The following FANCA variants were observed in gnomAD, a reference collection of about 807,000 sequenced individuals.
FANCA encodes the protein FA complementation group A.
FANCA carries 236 observed loss-of-function variants against 194.3 expected under a neutral mutation model. That is an observed-to-expected ratio of 1.21 (90% CI 1.09 to 1.35). FANCA has a LOEUF of 1.35. FANCA is among the 40% of genes most tolerant of loss of function. The pLI is 0.00. For synonymous variants in FANCA, 1,014 were observed against 715.8 expected (o/e 1.42, Z -6.65); for missense variants, 2,628 against 1,813.9 (o/e 1.45, Z -8.15).
intron 8 of FANCA, among the ~76,000 whole-genome samples, chr16:89,802,465 G>A (rs189304441): frequency 4.3e-4 from 65 of 151,272 alleles, no homozygotes; most frequent in African/African-American, 1.5e-3. Context: ...ACAGTGACAC[G>A]ATCTGGGCTC....
At chr16:89,743,028 TG>T (rs1468190661) in intron 36 of FANCA, 90 bp from the exon 37 acceptor site, 13 of 1,473,582 alleles carry the variant, frequency 8.8e-6, no homozygotes, top group African/African-American at 2.8e-5. Context: ...CTGTCACCTT[TG>T]GGGCCTGCCT....
intron 2 of FANCA, among the ~76,000 whole-genome samples, chr16:89,815,167 G>A (rs1471692184): frequency 2.0e-5 from 3 of 151,798 alleles, no homozygotes; most frequent in Admixed American, 1.3e-4. Flanking sequence ...CTCCTGAGCA[G>A]CTGGGATTAC....
chr16:89,780,369 C>T (rs542835911), intron 17 of FANCA, among the ~76,000 whole-genome samples: 14 of 152,114 alleles, frequency 9.2e-5, no homozygotes, highest in South Asian at 2.1e-4. Flanking sequence ...TGTCTATAAA[C>T]GCAGTGCTTT....
rs772712346 is a variant in FANCA at position 89,816,596 on chromosome 16, G to C, written c.20C>G (p.Pro7Arg). The stretch of plus-strand genomic sequence containing the variant: ...TGGGTCCTGGCCCGAGGCGGAGTTC[G>C]GGACCCACGAGTCGGACATGGCCTT... The part of the protein sequence containing the change: MSDSWV[P>R]NSASGQDPGG... Residue 7 changes from proline to arginine, a missense_variant, in exon 1 of 43, where the codon CCG (proline) becomes CGG (arginine). Transcript: ENST00000389301. 9.8e-6 allele frequency: 15 copies of C among 1,526,802 alleles called. No homozygotes were observed. The highest frequency in any genetic ancestry group is 1.2e-5 in the Non-Finnish European group (14 of 1,145,182). The allele number at this position is 1,526,802 out of a possible 1,614,324, so 94.6% of individuals were successfully genotyped here. A position where few individuals can be genotyped will look rare whatever the true frequency, so the allele number is the denominator to read the frequency against.
chr16:89,808,912 T>G (rs1307469464), intron 5 of FANCA, among the ~76,000 whole-genome samples: 2 of 148,708 alleles, frequency 1.3e-5, no homozygotes, highest in South Asian at 2.1e-4. Context: ...CACACTCTAT[T>G]TTTTTTTTTT....
intron 36 of FANCA, 86 bp downstream of exon 36, chr16:89,744,873 G>A (rs17227229): frequency 7.1e-6 from 9 of 1,268,452 alleles, no homozygotes; most frequent in Admixed American, 1.9e-5. Flanking sequence ...CTTCTCTCAA[G>A]CAAGCCAGGG....
chr16:89,799,505 C>G, intron 9 of FANCA, 100 bp downstream of exon 9: 1 of 1,225,762 alleles, frequency 8.2e-7, no homozygotes, highest in Admixed American at 1.7e-5. Flanking sequence ...GTGAAACATA[C>G]AGAGGAGAAA....
At chr16:89,781,502 T>C (rs1342840508) in intron 17 of FANCA, among the ~76,000 whole-genome samples, 48 of 142,628 alleles carry the variant, frequency 3.4e-4, no homozygotes, top group Admixed American at 2.8e-3. Flanking sequence ...TGAAACCCCA[T>C]CTCTACTAAA....
chr16:89,772,464 C>T (rs1307904852), intron 22 of FANCA, among the ~76,000 whole-genome samples: 2 of 152,192 alleles, frequency 1.3e-5, no homozygotes, highest in African/African-American at 2.4e-5. Context: ...TGAGATCACG[C>T]CACTGCACTC....
intron 14 of FANCA, among the ~76,000 whole-genome samples, chr16:89,786,234 A>C (rs2039893973): frequency 1.3e-5 from 2 of 151,602 alleles, no homozygotes; most frequent in African/African-American, 4.8e-5. Flanking sequence ...CCCAGGCTGG[A>C]GCGCAGTGGC....
chr16:89,792,796 G>A, intron 11 of FANCA: 4 of 437,624 alleles, frequency 9.1e-6, no homozygotes, highest in Admixed American at 6.4e-5. Flanking sequence ...TGGATACAAA[G>A]CAAAAGGGGC....
At chr16:89,810,465 T>C (rs1389433817) in intron 5 of FANCA, 6 of 500,638 alleles carry the variant, frequency 1.2e-5, no homozygotes, top group Non-Finnish European at 1.8e-5. Flanking sequence ...TAAACGTGTT[T>C]TTCAATATAT....
Position 89,748,691 on chromosome 16 carries a change from C to G in FANCA, c.3316G>C (p.Glu1106Gln). ...GAGTTGACCAAGTGGAAGAACTGCT[C>G]GCATCTGGCAGTGATGGGCTGTTCT... ...QAEQPITARC[E>Q]QFFHLVNSEM... Residue 1106 changes from glutamate (E) to glutamine (Q), a missense_variant, in exon 33 of 43, where the codon GAG becomes CAG. By Grantham distance (29) the Glu-to-Gln change is conservative. Coordinates refer to ENST00000389301, the MANE Select transcript of FANCA (RefSeq NM_000135.4). The G allele has an allele frequency of 1.2e-6, 2 of 1,614,106 alleles. No homozygotes were observed. The highest frequency in any genetic ancestry group is 1.7e-6 in the Non-Finnish European group (2 of 1,180,002).
intron 3 of FANCA, among the ~76,000 whole-genome samples, chr16:89,813,806 CTGTGTGTG>C (rs71137678): frequency 8.0e-5 from 12 of 149,546 alleles, no homozygotes; most frequent in South Asian, 6.4e-4. Context: ...AAGTCTTTTA[CTGTGTGTG>C]TGTGTGTGTG....
chr16:89,783,997 G>C (rs1036916090), intron 15 of FANCA, among the ~76,000 whole-genome samples: 3 of 151,996 alleles, frequency 2.0e-5, no homozygotes, highest in Admixed American at 2.0e-4. Flanking sequence ...CTGACCTCAA[G>C]TGATCTGCCC....
At position 89,740,106 on chromosome 16, in the gene FANCA, A is replaced by G. The variant is rs2062090818; in HGVS notation, c.3829-7T>C. 1 of 1,612,754 alleles carries G rather than the reference A, an allele frequency of 6.2e-7. No homozygotes were observed. Among genetic ancestry groups the G allele is most frequent in the Non-Finnish European group, 8.5e-7 (1 of 1,179,046 alleles). ...TTGGCAGGTCTGTGGTGCTCTGTAA[A>G]CCGCAGGAGACCAACCCTGAGAATG... On this transcript the variant is annotated splice_polypyrimidine_tract_variant and splice_region_variant and intron_variant, in intron 38 of 42. Coordinates refer to ENST00000389301, the MANE Select transcript of FANCA (RefSeq NM_000135.4).
chr16:89,789,125 C>G (rs898157539), intron 14 of FANCA, among the ~76,000 whole-genome samples: 1 of 152,034 alleles, frequency 6.6e-6, no homozygotes, highest in African/African-American at 2.4e-5. Context: ...AACACCTCTC[C>G]TCTTAGTTTA....
intron 3 of FANCA, among the ~76,000 whole-genome samples, chr16:89,814,166 G>C (rs1392907675): frequency 6.6e-6 from 1 of 152,152 alleles, no homozygotes; most frequent in African/African-American, 2.4e-5. Context: ...GGAGAAGGAG[G>C]TACCTAGAAA....
At chr16:89,756,488 G>T (rs1018464448) in intron 30 of FANCA, among the ~76,000 whole-genome samples, 1 of 152,162 alleles carries the variant, frequency 6.6e-6, no homozygotes, top group Non-Finnish European at 1.5e-5. Flanking sequence ...AATTTGCCAG[G>T]TATGGTGGTG....
Sources: gnomAD v4.1 joint callset for allele counts (sites outside exome capture counted in the v4.1 genomes callset) on GRCh38, gnomAD v4.1.1 for gene constraint, MANE v1.5 for transcripts, NCBI Gene and HGNC (gene_info 2026-07-23, HGNC 2026-07-21) for gene names.